Variants in CUL4A observed in about 807,000 individuals in gnomAD.
The protein encoded by CUL4A is cullin-4A.
In CUL4A, 16 loss-of-function variants were observed where a neutral mutation model predicts 95.5. The ratio of observed to expected loss-of-function variants is 0.17; its 90% CI spans 0.11 to 0.25. The LOEUF (loss-of-function observed/expected upper bound fraction) is 0.25, where lower values mean the gene tolerates loss of function less well. CUL4A is among the 10% of genes least tolerant of loss of function. The pLI is 1.00. For synonymous variants in CUL4A, 380 were observed against 353.1 expected, an observed-to-expected ratio of 1.08 and a Z score of -0.85; for missense variants, 610 against 937.0, an observed-to-expected ratio of 0.65 and a Z score of 4.56.
At chr13:113,229,874 G>A (rs1326292245) in intron 5 of CUL4A, 6 of 462,622 alleles carry the variant, frequency 1.3e-5, no homozygotes, top group Non-Finnish European at 2.3e-5. Context: ...TGCCCGTGGG[G>A]TCGCAGCCCT....
intron 2 of CUL4A, among the ~76,000 whole-genome samples, chr13:113,212,929 G>A (rs1241839787): frequency 1.3e-5 from 2 of 152,232 alleles, no homozygotes; most frequent in African/African-American, 4.8e-5. Flanking sequence ...ATCAGGGTGT[G>A]TTGGCCCCCC....
chr13:113,226,393 G>A (rs2041105570), intron 3 of CUL4A, among the ~76,000 whole-genome samples: 2 of 152,214 alleles, frequency 1.3e-5, no homozygotes. Flanking sequence ...CCTTTGACAA[G>A]CCATTTTCTT....
chr13:113,258,396 T>C (rs1434878548), intron 18 of CUL4A, among the ~76,000 whole-genome samples: 1 of 152,244 alleles, frequency 6.6e-6, no homozygotes, highest in Non-Finnish European at 1.5e-5. Context: ...ACATTGACAT[T>C]TTTAATCCAT....
chr13:113,208,675 A>C (rs746057645), upstream of CUL4A: 2 of 1,585,964 alleles, frequency 1.3e-6, no homozygotes, highest in African/African-American at 1.4e-5. Flanking sequence ...CCTACGCCTC[A>C]AGCGGGCCAG....
Position 113,243,407 on chromosome 13 carries a change from G to T in CUL4A, c.1228+247G>T, listed in dbSNP as rs142635889. On this transcript the variant is annotated intron_variant, in intron 11 of 19. Transcript: ENST00000375440. Reference sequence around the variant, plus strand: ...TGAGGTAAGAATTTAGAAAAGAAATGATGCTTGACTTCGCCAAAGAAGGGA... The same window carrying T: ...TGAGGTAAGAATTTAGAAAAGAAATTATGCTTGACTTCGCCAAAGAAGGGA... 5.2e-3 allele frequency among the ~76,000 whole-genome samples: 784 copies of T among 152,190 alleles called. 4 individuals carry two copies. The highest frequency in any genetic ancestry group is 0.024 in the Middle Eastern group (7 of 294).
chr13:113,256,314 C>A (rs139238504), intron 18 of CUL4A, among the ~76,000 whole-genome samples: 131 of 152,224 alleles, frequency 8.6e-4, no homozygotes, highest in African/African-American at 2.9e-3. Flanking sequence ...GCAGTGCCCT[C>A]GGCCACAGGC....
chr13:113,243,585 A>C (rs1208939067), intron 11 of CUL4A, among the ~76,000 whole-genome samples: 2 of 151,986 alleles, frequency 1.3e-5, no homozygotes, highest in Non-Finnish European at 2.9e-5. Flanking sequence ...TCTAGTCAGT[A>C]AAATTTTTTT....
intron 19 of CUL4A, chr13:113,262,854 G>A (rs1009386549): frequency 1.3e-3 from 172 of 134,882 alleles, no homozygotes; most frequent in African/African-American, 4.6e-3. Flanking sequence ...GGCAGATGTC[G>A]GATCTGCCTC....
intron 5 of CUL4A, among the ~76,000 whole-genome samples, chr13:113,232,169 C>T (rs977941371): frequency 0.075 from 4,157 of 55,468 alleles, 1,532 homozygotes; most frequent in South Asian, 0.16. Flanking sequence ...CACCACTACC[C>T]GCCCACCACC....
intron 14 of CUL4A, 103 bp downstream of exon 14, chr13:113,245,340 G>A (rs769530565): frequency 1.2e-5 from 12 of 1,022,004 alleles, no homozygotes; most frequent in Admixed American, 2.0e-5. Context: ...GGCAAGAGAC[G>A]TTCTTGAGGC....
intron 5 of CUL4A, 142 bp downstream of exon 5, chr13:113,229,661 C>T (rs1352586700): frequency 8.9e-6 from 6 of 676,130 alleles, no homozygotes; most frequent in East Asian, 2.8e-5. Flanking sequence ...TTAACGTGAA[C>T]GTAGGAGTCC....
Position 113,264,711 on chromosome 13 carries a change from A to G in CUL4A, c.*1129A>G, listed in dbSNP as rs977999374. Reference sequence around the variant, plus strand: ...ATTTTGATTAAAAGCTACCAAAGGAATTTTGATCATGGCATAAGTGTTTAA... The same window carrying G: ...ATTTTGATTAAAAGCTACCAAAGGAGTTTTGATCATGGCATAAGTGTTTAA... On this transcript the variant is annotated 3_prime_UTR_variant, in exon 20 of 20. Transcript: ENST00000375440. 1 of 152,670 alleles carries G rather than the reference A, an allele frequency of 6.6e-6. No homozygotes were observed. Among genetic ancestry groups the G allele is most frequent in the Non-Finnish European group, 1.5e-5 (1 of 68,046 alleles). The allele number at this position is 152,670 out of a possible 1,614,324, so 9.5% of individuals were successfully genotyped here. A position where few individuals can be genotyped will look rare whatever the true frequency, so the allele number is the denominator to read the frequency against.
chr13:113,219,061 T>G lies in CUL4A; in HGVS notation c.368+13T>G, dbSNP rs1375893117. ...TTCCGTTTAGAGAATATCCTTTTTT[T>G]GGTTCATAAAGTTTCTATTCATTAT... On this transcript the variant is annotated intron_variant, in intron 3 of 19. Coordinates refer to ENST00000375440, the MANE Select transcript of CUL4A (RefSeq NM_001008895.4). 6.4e-7 allele frequency: 1 copy of G among 1,560,054 alleles called. No individual in the cohort carries two copies. The highest frequency in any genetic ancestry group is 2.2e-5 in the East Asian group (1 of 44,578).
chr13:113,263,418 C>T, intron 19 of CUL4A, 69 bp from the exon 20 acceptor site: 1 of 764,842 alleles, frequency 1.3e-6, no homozygotes, highest in Non-Finnish European at 2.2e-6. Flanking sequence ...CATGCATATA[C>T]CCCTTGTATG....
At chr13:113,208,582 C>A (rs771091575), upstream of CUL4A, 24 of 1,607,056 alleles carry the variant, frequency 1.5e-5, no homozygotes, top group South Asian at 2.7e-4. Context: ...GCCGCGCGCT[C>A]CCCGGCTAGG....
intron 19 of CUL4A, among the ~76,000 whole-genome samples, 177 bp from the exon 20 acceptor site, chr13:113,263,310 A>G (rs2042338180): frequency 6.6e-6 from 1 of 152,196 alleles, no homozygotes; most frequent in South Asian, 2.1e-4. Context: ...TTTAAAATAG[A>G]AAGTTTTGTT....
intron 3 of CUL4A, among the ~76,000 whole-genome samples, chr13:113,220,808 G>GTGA: frequency 6.6e-6 from 1 of 152,300 alleles, no homozygotes; most frequent in South Asian, 2.1e-4. Flanking sequence ...AAAATGGAAA[G>GTGA]TGACCCCCAT....
At position 113,245,850 on chromosome 13, in the gene CUL4A, A is replaced by G. The variant is rs2041843308; in HGVS notation, c.1531-106A>G. 3.5e-6 allele frequency: 3 copies of G among 864,892 alleles called. No individual in the cohort carries two copies. In the Admixed American group the frequency reaches 7.7e-5, roughly 22 times the overall value. 53.6% of individuals were successfully genotyped at this position (864,892 alleles called of 1,614,324 possible). ...CATTCTGGGGACTGAGATAAATTCT[A>G]ACACAGATGAAACTTTATATTGAAA... On this transcript the variant is annotated intron_variant, in intron 14 of 19. Coordinates refer to ENST00000375440, the MANE Select transcript of CUL4A (RefSeq NM_001008895.4).
At chr13:113,229,612 G>A in intron 5 of CUL4A, 93 bp downstream of exon 5, 1 of 1,036,766 alleles carries the variant, frequency 9.6e-7, no homozygotes, top group South Asian at 1.4e-5. Flanking sequence ...GGTAAAGTGT[G>A]TGTGATTACT....
Sources: allele counts gnomAD v4.1 joint callset (sites outside exome capture counted in the v4.1 genomes callset), GRCh38; gene constraint gnomAD v4.1.1; transcripts MANE v1.5; gene names NCBI Gene and HGNC (gene_info 2026-07-23, HGNC 2026-07-21).